The following BACE2 variants were observed in gnomAD, a reference collection of about 807,000 sequenced individuals.
The protein encoded by BACE2 is 56 kDa aspartic-like protease.
A neutral mutation model predicts 46.2 loss-of-function variants in BACE2; 17 were observed. The observed-to-expected ratio is 0.37, with a 90% CI of 0.25 to 0.55. The LOEUF (loss-of-function observed/expected upper bound fraction) is 0.55, where lower values mean the gene tolerates loss of function less well. Ranked by LOEUF, BACE2 falls within the 20% of genes least tolerant of loss-of-function variation. The probability of loss-of-function intolerance (pLI) is 0.82; values close to 1 mark genes in which losing one functional copy is unlikely to be tolerated. For missense variants in BACE2, 595 were observed against 698.1 expected, an observed-to-expected ratio of 0.85 and a Z score of 1.66; for synonymous variants, 277 against 295.9, an observed-to-expected ratio of 0.94 and a Z score of 0.66.
At chr21:41,268,832 C>A (rs1383997611) in intron 8 of BACE2, among the ~76,000 whole-genome samples, 1 of 152,152 alleles carries the variant, frequency 6.6e-6, no homozygotes, top group African/African-American at 2.4e-5. Flanking sequence ...ACAGCACACA[C>A]AGCACATATG....
intron 7 of BACE2, chr21:41,252,652 C>T (rs1483791278): frequency 2.0e-5 from 3 of 152,176 alleles, no homozygotes; most frequent in East Asian, 1.9e-4. Flanking sequence ...CCTTCCCCAA[C>T]GCCACCAGGC....
rs549364087 is a variant in BACE2, at chr21:41,197,220, G to A, written c.312+28645G>A. ...AAGGATCCTCCCACCTTCGCCTCCC[G>A]AAGTGCTGTGATTACAGGGATGAGT... On this transcript the variant is annotated intron_variant, in intron 1 of 8. Transcript: ENST00000330333. Among the ~76,000 whole-genome samples, 283 of 151,020 alleles carry A rather than the reference G, an allele frequency of 1.9e-3. 2 individuals are homozygous for A. Among genetic ancestry groups the A allele is most frequent in the Non-Finnish European group, 2.2e-3 (152 of 67,832 alleles).
chr21:41,231,842 A>C (rs1281284108), intron 2 of BACE2, among the ~76,000 whole-genome samples: 1 of 152,192 alleles, frequency 6.6e-6, no homozygotes, highest in Non-Finnish European at 1.5e-5. Context: ...AAAGCATTTT[A>C]GTCGCAAGAG....
chr21:41,207,987 C>T (rs1379913344), intron 1 of BACE2, among the ~76,000 whole-genome samples: 1 of 152,346 alleles, frequency 6.6e-6, no homozygotes, highest in East Asian at 1.9e-4. Flanking sequence ...GATTCTGGCC[C>T]TGGTTCTGCC....
chr21:41,211,333 A>C (rs552757972), intron 1 of BACE2, among the ~76,000 whole-genome samples: 5 of 152,158 alleles, frequency 3.3e-5, no homozygotes, highest in Non-Finnish European at 7.4e-5. Flanking sequence ...ACACAGCCAG[A>C]ATAAATTGTA....
intron 8 of BACE2, among the ~76,000 whole-genome samples, chr21:41,269,482 C>G (rs1833200180): frequency 6.6e-6 from 1 of 152,146 alleles, no homozygotes; most frequent in East Asian, 1.9e-4. Context: ...AGCTGTTTTC[C>G]CTGCCTCCCA....
At chr21:41,201,154 T>G (rs1985953221) in intron 1 of BACE2, among the ~76,000 whole-genome samples, 1 of 152,250 alleles carries the variant, frequency 6.6e-6, no homozygotes, top group South Asian at 2.1e-4. Context: ...TGTCTTACCC[T>G]ACCTGTCTTA....
chr21:41,214,073 GAGCACGTGTCAC>G (rs1986381440), intron 1 of BACE2, among the ~76,000 whole-genome samples: 1 of 152,178 alleles, frequency 6.6e-6, no homozygotes, highest in Non-Finnish European at 1.5e-5. Context: ...GCACCATGAG[GAGCACGTGTCAC>G]AGCATTTACT....
chr21:41,244,549 G>C (rs113268167), intron 5 of BACE2, among the ~76,000 whole-genome samples: 1 of 116,852 alleles, frequency 8.6e-6, no homozygotes, highest in Non-Finnish European at 1.6e-5. Context: ...TTAAGGCAGG[G>C]ACTGGCCATT....
At chr21:41,222,661 T>C (rs1455243448) in intron 1 of BACE2, among the ~76,000 whole-genome samples, 1 of 152,068 alleles carries the variant, frequency 6.6e-6, no homozygotes, top group African/African-American at 2.4e-5. Context: ...GACTTAACTG[T>C]AATAGGACTG....
chr21:41,259,216 C>G (rs193096548), intron 8 of BACE2, among the ~76,000 whole-genome samples: 5 of 152,230 alleles, frequency 3.3e-5, no homozygotes, highest in Admixed American at 2.0e-4. Context: ...GAGTTATTTG[C>G]TAGATGCTCT....
chr21:41,215,046 G>A (rs1347333399), intron 1 of BACE2, among the ~76,000 whole-genome samples: 1 of 152,198 alleles, frequency 6.6e-6, no homozygotes, highest in East Asian at 1.9e-4. Context: ...GGCTGGACAG[G>A]TCAGGGGAGA....
At chr21:41,250,335 G>A (rs1485772208) in intron 6 of BACE2, among the ~76,000 whole-genome samples, 1 of 152,198 alleles carries the variant, frequency 6.6e-6, no homozygotes, top group Non-Finnish European at 1.5e-5. Flanking sequence ...CAAGTGATAA[G>A]CAGAAAGTCC....
At chr21:41,178,905 T>G in intron 1 of BACE2, 2 of 314,524 alleles carry the variant, frequency 6.4e-6, no homozygotes, top group Non-Finnish European at 1.2e-5. Flanking sequence ...GACAGTGCCA[T>G]GTGGGAAGGG....
intron 1 of BACE2, among the ~76,000 whole-genome samples, chr21:41,212,394 C>T (rs1412344839): frequency 6.6e-6 from 1 of 152,202 alleles, no homozygotes; most frequent in Admixed American, 6.5e-5. Context: ...AAGGGTTCAT[C>T]ATACAAAGTT....
chr21:41,177,388 A>G (rs1023841108), intron 1 of BACE2: 5 of 152,238 alleles, frequency 3.3e-5, no homozygotes, highest in Middle Eastern at 3.2e-3. Context: ...TGTGCTCTAA[A>G]ATAAGGCAGC....
chr21:41,206,018 G>A (rs1986111242), intron 1 of BACE2, among the ~76,000 whole-genome samples: 1 of 152,134 alleles, frequency 6.6e-6, no homozygotes, highest in Admixed American at 6.5e-5. Flanking sequence ...AGCAAAAGGT[G>A]GAAACAACAC....
chr21:41,232,020 CTT>C (rs34868132), intron 2 of BACE2, among the ~76,000 whole-genome samples: 13,257 of 140,512 alleles, frequency 0.094, 1,884 homozygotes, highest in African/African-American at 0.31. Context: ...TGAGAATTAC[CTT>C]TTTTTTTTTT....
intron 7 of BACE2, among the ~76,000 whole-genome samples, 177 bp downstream of exon 7, chr21:41,251,078 C>G (rs555897530): frequency 6.6e-6 from 1 of 152,192 alleles, no homozygotes; most frequent in African/African-American, 2.4e-5. Flanking sequence ...GTCCCTTGGC[C>G]GGGCTCACTC....
Sources: gnomAD v4.1 joint callset for allele counts (sites outside exome capture counted in the v4.1 genomes callset) on GRCh38, gnomAD v4.1.1 for gene constraint, MANE v1.5 for transcripts, NCBI Gene and HGNC (gene_info 2026-07-23, HGNC 2026-07-21) for gene names.